Variants in EPHA6 observed in about 807,000 individuals in gnomAD.
EPHA6 encodes the protein ephrin type-A receptor 6.
A neutral mutation model predicts 112.0 loss-of-function variants in EPHA6; 50 were observed. The observed-to-expected ratio is 0.45, with a 90% CI of 0.36 to 0.56. EPHA6 has a LOEUF of 0.56. Among genes scored for constraint, EPHA6 ranks in the 20% least tolerant of loss-of-function variants. The pLI is 0.00. For missense variants in EPHA6, 1,280 were observed against 1,417.4 expected (o/e 0.90, Z 1.56); for synonymous variants, 529 against 490.7 (o/e 1.08, Z -1.03).
rs932391266 is a variant in EPHA6 at position 97,697,726 on chromosome 3, G to A, written c.2785-22535G>A. ...AATTTCTGAAGCATCTAATATACTC[G>A]ACTGAGCTGACAGGATGTGGCACAT... is the stretch of plus-strand genomic sequence containing the variant. On this transcript the variant is annotated intron_variant, in intron 14 of 17. Coordinates refer to ENST00000389672, the MANE Select transcript of EPHA6 (RefSeq NM_001080448.3). Among the ~76,000 whole-genome samples, 6 of 152,018 alleles carry A rather than the reference G, an allele frequency of 3.9e-5. No individual in the cohort carries two copies. The South Asian group carries it at 8.3e-4, about 21-fold the overall frequency.
intron 2 of EPHA6, among the ~76,000 whole-genome samples, chr3:96,882,899 G>A (rs942129974): frequency 6.6e-6 from 1 of 152,142 alleles, no homozygotes; most frequent in African/African-American, 2.4e-5. Context: ...GCGTGTGCGA[G>A]TATGTTTTTT....
chr3:97,569,711 G>T (rs1351605893), intron 11 of EPHA6, among the ~76,000 whole-genome samples: 1 of 152,156 alleles, frequency 6.6e-6, no homozygotes, highest in Non-Finnish European at 1.5e-5. Context: ...TTAATTGAAA[G>T]GGATTCTTAT....
intron 3 of EPHA6, among the ~76,000 whole-genome samples, chr3:97,018,584 C>G (rs1443064333): frequency 6.6e-6 from 1 of 152,208 alleles, no homozygotes; most frequent in Non-Finnish European, 1.5e-5. Context: ...AAACAACTTA[C>G]ACCATTATTA....
At chr3:97,032,058 C>T (rs1223379836) in intron 3 of EPHA6, among the ~76,000 whole-genome samples, 1 of 152,020 alleles carries the variant, frequency 6.6e-6, no homozygotes, top group African/African-American at 2.4e-5. Context: ...AAATGTCCAA[C>T]AATGATAGAC....
chr3:96,943,468 T>C (rs977744956), intron 2 of EPHA6, among the ~76,000 whole-genome samples: 1 of 152,228 alleles, frequency 6.6e-6, no homozygotes, highest in Non-Finnish European at 1.5e-5. Context: ...TTTCAGATTT[T>C]ATATATTAAA....
intron 14 of EPHA6, among the ~76,000 whole-genome samples, chr3:97,653,226 A>G (rs1210629676): frequency 1.3e-5 from 2 of 151,994 alleles, no homozygotes; most frequent in African/African-American, 4.8e-5. Flanking sequence ...AAAACAACCT[A>G]CAGAATGAGA....
At chr3:97,726,427 T>C (rs1279705239) in intron 15 of EPHA6, among the ~76,000 whole-genome samples, 2 of 152,180 alleles carry the variant, frequency 1.3e-5, no homozygotes, top group Non-Finnish European at 2.9e-5. Context: ...GACTCCCAGT[T>C]GTTTGGAAAT....
Position 97,756,758 on chromosome 3 carries a change from A to G in EPHA6, c.*8057A>G, listed in dbSNP as rs569215519. 5.5e-4 allele frequency among the ~76,000 whole-genome samples: 83 copies of G among 151,998 alleles called. No homozygotes were observed. Among genetic ancestry groups the G allele is most frequent in the South Asian group, 1.0e-3 (5 of 4,828 alleles). On this transcript the variant is annotated 3_prime_UTR_variant, in exon 18 of 18. Coordinates refer to ENST00000389672, the MANE Select transcript of EPHA6 (RefSeq NM_001080448.3). The stretch of plus-strand genomic sequence containing the variant: ...AGCGAGCAGGACACAATATCTGAGC[A>G]GTGTTAACAAATATGAACATGAGTA...
chr3:97,573,341 TGAAGTC>T (rs1479452939), intron 11 of EPHA6, among the ~76,000 whole-genome samples: 7 of 152,154 alleles, frequency 4.6e-5, no homozygotes, highest in African/African-American at 1.7e-4. Flanking sequence ...TTAGATTATA[TGAAGTC>T]GAGTAAAGGT....
intron 3 of EPHA6, among the ~76,000 whole-genome samples, chr3:97,219,029 C>A (rs2108528830): frequency 6.6e-6 from 1 of 152,260 alleles, no homozygotes; most frequent in African/African-American, 2.4e-5. Flanking sequence ...TCTCCTTTGA[C>A]TTCTTGTCTC....
chr3:97,554,230 A>C (rs1251942494), intron 11 of EPHA6, among the ~76,000 whole-genome samples: 3 of 152,146 alleles, frequency 2.0e-5, no homozygotes, highest in Non-Finnish European at 2.9e-5. Context: ...CCTGCTGTTA[A>C]AATTATTATT....
At chr3:97,642,129 A>C in intron 14 of EPHA6, among the ~76,000 whole-genome samples, 1 of 129,158 alleles carries the variant, frequency 7.7e-6, no homozygotes, top group African/African-American at 2.9e-5. Flanking sequence ...TGGGTACCTG[A>C]CCCCTGACCC....
chr3:97,217,597 ACTT>A (rs1284452997), intron 3 of EPHA6, among the ~76,000 whole-genome samples: 1 of 152,166 alleles, frequency 6.6e-6, no homozygotes, highest in Non-Finnish European at 1.5e-5. Context: ...GTATAAGAAA[ACTT>A]CTGGGATTGA....
intron 5 of EPHA6, among the ~76,000 whole-genome samples, chr3:97,325,850 ATTATT>A (rs1471575598): frequency 5.9e-5 from 9 of 152,042 alleles, no homozygotes; most frequent in African/African-American, 2.2e-4. Context: ...TAAATATTTC[ATTATT>A]TTATTATGTT....
intron 10 of EPHA6, among the ~76,000 whole-genome samples, chr3:97,489,481 CA>C (rs1287243381): frequency 6.6e-6 from 1 of 152,060 alleles, no homozygotes; most frequent in African/African-American, 2.4e-5. Context: ...GTCAGGAGAT[CA>C]AGACAATCTT....
chr3:97,106,533 C>T (rs886889333), intron 3 of EPHA6, among the ~76,000 whole-genome samples: 4 of 152,104 alleles, frequency 2.6e-5, no homozygotes, highest in African/African-American at 9.7e-5. Context: ...CTTCTGGCTT[C>T]CCCATCTGCT....
intron 3 of EPHA6, among the ~76,000 whole-genome samples, chr3:97,079,937 C>T (rs776343897): frequency 4.0e-5 from 6 of 149,984 alleles, no homozygotes; most frequent in East Asian, 3.9e-4. Context: ...AATTAAGGTA[C>T]GTAAATTGTT....
chr3:97,034,781 C>G (rs1488095962), intron 3 of EPHA6, among the ~76,000 whole-genome samples: 1 of 151,858 alleles, frequency 6.6e-6, no homozygotes, highest in African/African-American at 2.4e-5. Flanking sequence ...TTTCTATGTT[C>G]CAGATTGAAT....
chr3:97,210,281 A>G (rs1017454364), intron 3 of EPHA6, among the ~76,000 whole-genome samples: 2 of 152,152 alleles, frequency 1.3e-5, no homozygotes, highest in Non-Finnish European at 2.9e-5. Flanking sequence ...TCATGGGGGA[A>G]GGCAAAGGAG....
Sources: gnomAD v4.1 joint callset for allele counts (sites outside exome capture counted in the v4.1 genomes callset) on GRCh38, gnomAD v4.1.1 for gene constraint, MANE v1.5 for transcripts, NCBI Gene and HGNC (gene_info 2026-07-23, HGNC 2026-07-21) for gene names.